TBC1D5: variants seen among roughly 807,000 people sequenced by gnomAD.
TBC1D5 encodes TBC1 domain family member 5, also known as TBC1 domain family, member 5.
TBC1D5 carries 75 observed loss-of-function variants against 100.3 expected under a neutral mutation model. That is an observed-to-expected ratio of 0.75 (90% CI 0.62 to 0.91). TBC1D5 has a LOEUF of 0.91. Ranked by LOEUF, TBC1D5 falls within the 40% of genes least tolerant of loss-of-function variation. The pLI is 0.00. For missense variants in TBC1D5, 910 were observed against 942.4 expected (o/e 0.97, Z 0.45); for synonymous variants, 323 against 325.6 (o/e 0.99, Z 0.09).
At chr3:17,685,895 C>G (rs552333496) in intron 1 of TBC1D5, among the ~76,000 whole-genome samples, 143 of 152,152 alleles carry the variant, frequency 9.4e-4, no homozygotes, top group South Asian at 1.7e-3. Context: ...ATAAGAAGAG[C>G]CTTAATTATT....
chr3:17,393,537 C>T (rs1433248885), intron 8 of TBC1D5, among the ~76,000 whole-genome samples: 1 of 152,042 alleles, frequency 6.6e-6, no homozygotes, highest in Non-Finnish European at 1.5e-5. Context: ...GGAAAAAGAA[C>T]AAAGCTGGAG....
chr3:17,370,849 A>C (rs1432902277), intron 13 of TBC1D5, among the ~76,000 whole-genome samples: 1 of 152,124 alleles, frequency 6.6e-6, no homozygotes, highest in Non-Finnish European at 1.5e-5. Context: ...TACTAAGTAC[A>C]CCTCAATAAA....
chr3:17,195,381 C>T (rs755338207), intron 18 of TBC1D5, among the ~76,000 whole-genome samples: 18 of 152,202 alleles, frequency 1.2e-4, no homozygotes, highest in Admixed American at 5.9e-4. Context: ...CTGATGAAAC[C>T]AGCCAGCCAG....
At chr3:17,595,264 C>T (rs2060489925) in intron 2 of TBC1D5, among the ~76,000 whole-genome samples, 1 of 152,096 alleles carries the variant, frequency 6.6e-6, no homozygotes, top group Admixed American at 6.6e-5. Flanking sequence ...TTAGTTCTGT[C>T]CCTCTAGAGA....
chr3:17,209,950 A>G (rs1011275381), intron 18 of TBC1D5, among the ~76,000 whole-genome samples: 3 of 152,114 alleles, frequency 2.0e-5, no homozygotes, highest in African/African-American at 7.2e-5. Context: ...ATCTACAAAC[A>G]TTATCATTCT....
chr3:17,415,790 C>T (rs937988714), intron 4 of TBC1D5, among the ~76,000 whole-genome samples: 9 of 152,146 alleles, frequency 5.9e-5, no homozygotes, highest in Non-Finnish European at 8.8e-5. Context: ...TTTACTCATG[C>T]TTCCTCTATA....
intron 1 of TBC1D5, among the ~76,000 whole-genome samples, chr3:17,678,799 T>C (rs1034528417): frequency 2.0e-5 from 3 of 150,864 alleles, no homozygotes; most frequent in Admixed American, 6.6e-5. Flanking sequence ...CTAAGACATA[T>C]TATCATAGAA....
At chr3:17,650,593 C>CA (rs1216974909) in intron 1 of TBC1D5, among the ~76,000 whole-genome samples, 1 of 150,956 alleles carries the variant, frequency 6.6e-6, no homozygotes, top group African/African-American at 2.4e-5. Flanking sequence ...TTCTTAAAGA[C>CA]AAAAAAAAAG....
chr3:17,476,628 CA>C (rs1370887796), intron 3 of TBC1D5, among the ~76,000 whole-genome samples: 29 of 151,982 alleles, frequency 1.9e-4, no homozygotes, highest in Non-Finnish European at 2.1e-4. Context: ...CTAAAAATAA[CA>C]AATCAATGTA....
At chr3:17,475,364 C>T (rs890181976) in intron 3 of TBC1D5, among the ~76,000 whole-genome samples, 5 of 151,970 alleles carry the variant, frequency 3.3e-5, no homozygotes, top group Non-Finnish European at 5.9e-5. Context: ...TATTTCTCCT[C>T]CCCACTCACC....
chr3:17,548,475 G>T (rs117113616), intron 2 of TBC1D5, among the ~76,000 whole-genome samples: 2,523 of 151,970 alleles, frequency 0.017, 49 homozygotes, highest in South Asian at 0.048. Flanking sequence ...AAAATACAGG[G>T]CGGGGGAAAA....
intron 3 of TBC1D5, among the ~76,000 whole-genome samples, chr3:17,454,940 C>A (rs1165008192): frequency 6.6e-6 from 1 of 151,586 alleles, no homozygotes; most frequent in Non-Finnish European, 1.5e-5. Context: ...AGGACAACAA[C>A]AACAACAACA....
At chr3:17,243,139 C>T (rs559224317) in intron 16 of TBC1D5, among the ~76,000 whole-genome samples, 6 of 152,126 alleles carry the variant, frequency 3.9e-5, no homozygotes, top group South Asian at 2.1e-4. Flanking sequence ...TCTTTTAGGA[C>T]GGTCATAATC....
At chr3:17,706,343 A>G (rs902826649) in intron 1 of TBC1D5, 6 of 1,292,216 alleles carry the variant, frequency 4.6e-6, no homozygotes, top group Non-Finnish European at 6.3e-6. Flanking sequence ...GAAAGAGCAC[A>G]TATTTTATAT....
chr3:17,284,125 T>TACACACACACACACAC lies in TBC1D5; in HGVS notation c.1245+7769_1245+7770insGTGTGTGTGTGTGTGT, dbSNP rs1559549230. Among the ~76,000 whole-genome samples, 18 of 53,456 alleles carry TACACACACACACACAC rather than the reference T, an allele frequency of 3.4e-4. No individual in the cohort carries two copies. The South Asian group carries it at 4.2e-3, about 12-fold the overall frequency. The allele number at this position is 53,456 out of a possible 152,430, so 35.1% of individuals were successfully genotyped here. ...ACACACACACACACACACACACACGTATTTTTAATTTAGACAGAGTCTTGG... is the reference window on the plus strand; with the variant it reads ...ACACACACACACACACACACACACGTACACACACACACACACATTTTTAATTTAGACAGAGTCTTGG... On this transcript the variant is annotated intron_variant, in intron 15 of 21. Transcript: ENST00000253692.
At chr3:17,275,768 C>T (rs1049264949) in intron 15 of TBC1D5, among the ~76,000 whole-genome samples, 6 of 152,256 alleles carry the variant, frequency 3.9e-5, no homozygotes, top group Admixed American at 2.6e-4. Context: ...GTGGGAAAGA[C>T]GGCCTGAGTT....
At chr3:17,741,506 T>C (rs971583786), upstream of TBC1D5, among the ~76,000 whole-genome samples, 1 of 152,244 alleles carries the variant, frequency 6.6e-6, no homozygotes, top group African/African-American at 2.4e-5. Context: ...TACAAAAGAA[T>C]TACCGGGTCT....
At chr3:17,548,769 T>C (rs2096444131) in intron 2 of TBC1D5, among the ~76,000 whole-genome samples, 1 of 152,208 alleles carries the variant, frequency 6.6e-6, no homozygotes, top group South Asian at 2.1e-4. Flanking sequence ...AAGCCATTCA[T>C]TCATCTGGGC....
chr3:17,710,641 A>G (rs2074625928), intron 1 of TBC1D5, among the ~76,000 whole-genome samples: 1 of 151,992 alleles, frequency 6.6e-6, no homozygotes, highest in East Asian at 1.9e-4. Context: ...ACTTGATACG[A>G]TAAGAGGAAA....
Sources: allele counts gnomAD v4.1 joint callset (sites outside exome capture counted in the v4.1 genomes callset), GRCh38; gene constraint gnomAD v4.1.1; transcripts MANE v1.5; gene names NCBI Gene and HGNC (gene_info 2026-07-23, HGNC 2026-07-21).